Variants in GPC5 observed in about 807,000 individuals in gnomAD.
GPC5 encodes glypican 5, also known as glypican-5.
Under a neutral mutation model 53.9 loss-of-function variants are expected in GPC5, and 47 were observed. The ratio of observed to expected loss-of-function variants is 0.87; its 90% confidence interval spans 0.69 to 1.11. GPC5 has a LOEUF of 1.11. Ranked by LOEUF, GPC5 falls within the 50% of genes most tolerant of loss-of-function variation. GPC5 has a pLI of 0.00. For synonymous variants in GPC5, 286 were observed against 263.3 expected, an observed-to-expected ratio of 1.09 and a Z score of -0.84; for missense variants, 748 against 713.1, an observed-to-expected ratio of 1.05 and a Z score of -0.56.
intron 7 of GPC5, among the ~76,000 whole-genome samples, chr13:92,251,276 T>C (rs1387102723): frequency 1.3e-5 from 2 of 151,762 alleles, no homozygotes; most frequent in Non-Finnish European, 2.9e-5. Flanking sequence ...ACTGTTAGAG[T>C]TCATGAAATT....
intron 7 of GPC5, among the ~76,000 whole-genome samples, chr13:92,488,757 G>A (rs1879653528): frequency 6.6e-6 from 1 of 152,144 alleles, no homozygotes; most frequent in Admixed American, 6.6e-5. Flanking sequence ...CATTTCTCTT[G>A]ATTCATGATA....
chr13:91,608,445 C>A (rs1248648253), intron 2 of GPC5, among the ~76,000 whole-genome samples: 1 of 152,190 alleles, frequency 6.6e-6, no homozygotes, highest in Non-Finnish European at 1.5e-5. Flanking sequence ...CCCTATTTCA[C>A]ATGACTTTAG....
At chr13:91,863,020 C>T (rs886901001) in intron 5 of GPC5, among the ~76,000 whole-genome samples, 2 of 150,216 alleles carry the variant, frequency 1.3e-5, no homozygotes, top group Non-Finnish European at 3.0e-5. Flanking sequence ...CTTTCCCTTC[C>T]CCCACCCCTT....
In GPC5 at chr13:91,880,598, C is replaced by T. The variant is rs574615077; in HGVS notation, c.1281-27339C>T. Among the ~76,000 whole-genome samples, 6 of 152,200 alleles carry T rather than the reference C, an allele frequency of 3.9e-5. No individual in the cohort carries two copies. The East Asian group carries it at 5.8e-4, about 15-fold the overall frequency. ...ATTTAGTCATTTTAATATTCTCACT[C>T]GTCAGACATTTTTTGGGAACGCCAT... On this transcript the variant is annotated intron_variant, in intron 5 of 7. Transcript: ENST00000377067.
chr13:92,753,988 G>A (rs1176141364), intron 7 of GPC5, among the ~76,000 whole-genome samples: 1 of 127,596 alleles, frequency 7.8e-6, no homozygotes, highest in East Asian at 4.6e-4. Context: ...ACGCCACAAA[G>A]ATACTCCTCA....
At chr13:91,981,675 A>G (rs1346852033) in intron 6 of GPC5, among the ~76,000 whole-genome samples, 1 of 152,226 alleles carries the variant, frequency 6.6e-6, no homozygotes, top group Non-Finnish European at 1.5e-5. Context: ...TGTGCTAGAT[A>G]TAATCCTTAT....
rs147244156 is a variant in GPC5 at position 92,144,940 on chromosome 13, C to T, written c.1512C>T (p.Cys504=). The change falls in exon 7 of 8, where the codon TGC becomes TGT. Residue 504 remains cysteine (C), a synonymous_variant. Transcript: ENST00000377067. ...VSGDCDDEDG[C]GGSGSGEVKR... ...GGGACTGTGATGATGAAGATGGTTG[C>T]GGGGGATCAGGAAGTGGAGAAGTCA... 76 of 1,582,670 alleles carry T rather than the reference C, an allele frequency of 4.8e-5. No homozygotes were observed. The highest frequency in any genetic ancestry group is 1.7e-4 in the Middle Eastern group (1 of 5,912).
At chr13:91,487,590 T>C (rs1030414015) in intron 2 of GPC5, among the ~76,000 whole-genome samples, 1 of 152,148 alleles carries the variant, frequency 6.6e-6, no homozygotes, top group African/African-American at 2.4e-5. Context: ...TAGTATACCG[T>C]GGTGTTATAT....
chr13:92,367,596 T>G (rs1312508054), intron 7 of GPC5, among the ~76,000 whole-genome samples: 2 of 152,344 alleles, frequency 1.3e-5, no homozygotes, highest in East Asian at 3.9e-4. Flanking sequence ...CATTTTTATC[T>G]GCCGTTTTTA....
chr13:92,655,334 ATT>A (rs377498531), intron 7 of GPC5, among the ~76,000 whole-genome samples: 4,694 of 116,510 alleles, frequency 0.04, 96 homozygotes, highest in Non-Finnish European at 0.05. Flanking sequence ...TATTTATTTT[ATT>A]TTTATTTTAT....
intron 3 of GPC5, among the ~76,000 whole-genome samples, chr13:91,718,444 C>CTT (rs79227555): frequency 2.0e-5 from 3 of 151,608 alleles, no homozygotes; most frequent in Admixed American, 1.3e-4. Flanking sequence ...TTCCCAGTGG[C>CTT]TTTTTTTTCC....
intron 7 of GPC5, among the ~76,000 whole-genome samples, chr13:92,349,453 C>CT (rs71120097): frequency 0.021 from 3,016 of 143,232 alleles, 42 homozygotes; most frequent in Non-Finnish European, 0.032. Flanking sequence ...CAGGTTTTTT[C>CT]TTTTTTTTTT....
chr13:92,042,513 G>T (rs940892892), intron 6 of GPC5, among the ~76,000 whole-genome samples: 3 of 152,072 alleles, frequency 2.0e-5, no homozygotes, highest in Admixed American at 6.6e-5. Context: ...AAAAATCTGA[G>T]CAGCAACATG....
chr13:91,724,996 G>A (rs148872734), intron 3 of GPC5: 20 of 152,382 alleles, frequency 1.3e-4, no homozygotes, highest in African/African-American at 4.8e-4. Context: ...GAATAAGACT[G>A]AGTGCACAGT....
intron 7 of GPC5, among the ~76,000 whole-genome samples, chr13:92,619,763 A>G (rs1457106366): frequency 6.6e-6 from 1 of 152,038 alleles, no homozygotes; most frequent in Non-Finnish European, 1.5e-5. Flanking sequence ...AAGTATATTT[A>G]AAACAAAGAA....
rs111746681 is a variant in GPC5 at position 92,189,682 on chromosome 13, A to AT, written c.1561+44703dup. 7.6e-3 allele frequency among the ~76,000 whole-genome samples: 1,137 copies of AT among 150,002 alleles called. 17 individuals carry two copies. Among genetic ancestry groups the AT allele is most frequent in the African/African-American group, 0.026 (1,062 of 41,008 alleles). On this transcript the variant is annotated intron_variant, in intron 7 of 7. Transcript: ENST00000377067. ...GGGTTTTGGAATTATTGGGCCAGGC[A>AT]TTTTTTTTTTAAAGCTATGATTAAT... is the stretch of plus-strand genomic sequence containing the variant.
chr13:91,935,158 A>G (rs80335589), intron 6 of GPC5, among the ~76,000 whole-genome samples: 4,922 of 152,020 alleles, frequency 0.032, 123 homozygotes, highest in Middle Eastern at 0.061. Flanking sequence ...AAGGCAAGAT[A>G]GGTGAATATG....
intron 7 of GPC5, among the ~76,000 whole-genome samples, chr13:92,542,268 TA>T (rs1227596031): frequency 1.3e-5 from 2 of 151,980 alleles, no homozygotes; most frequent in Non-Finnish European, 2.9e-5. Flanking sequence ...TATGGAACAC[TA>T]GACTCTATTC....
intron 2 of GPC5, among the ~76,000 whole-genome samples, chr13:91,470,106 A>G (rs1030172786): frequency 1.3e-5 from 2 of 152,144 alleles, no homozygotes; most frequent in African/African-American, 4.8e-5. Flanking sequence ...CCTTTGTGTG[A>G]GTTTTGTCAC....
Sources: gnomAD v4.1 joint callset for allele counts (sites outside exome capture counted in the v4.1 genomes callset) on GRCh38, gnomAD v4.1.1 for gene constraint, MANE v1.5 for transcripts, NCBI Gene and HGNC (gene_info 2026-07-23, HGNC 2026-07-21) for gene names.